C9: variants seen among roughly 807,000 people sequenced by gnomAD.
The protein encoded by C9 is complement component C9.
Under a neutral mutation model 65.4 loss-of-function variants are expected in C9, and 63 were observed. The ratio of observed to expected loss-of-function variants is 0.96; its 90% CI spans 0.79 to 1.19. C9 has a LOEUF of 1.19. C9 is among the 50% of genes most tolerant of loss of function. The pLI, the probability that C9 is intolerant of heterozygous loss-of-function variation, is 0.00. For synonymous variants in C9, 229 were observed against 227.9 expected (o/e 1.00, Z -0.04); for missense variants, 744 against 670.1 (o/e 1.11, Z -1.22).
chr5:39,324,896 G>T (rs1376243877), intron 5 of C9, among the ~76,000 whole-genome samples: 1 of 152,092 alleles, frequency 6.6e-6, no homozygotes, highest in African/African-American at 2.4e-5. Flanking sequence ...AGATCAAGGG[G>T]CTTGCATGTT....
At chr5:39,290,285 T>C (rs1230484021) in intron 9 of C9, among the ~76,000 whole-genome samples, 1 of 151,834 alleles carries the variant, frequency 6.6e-6, no homozygotes, top group Non-Finnish European at 1.5e-5. Flanking sequence ...TCATAACATA[T>C]ACAGGGAAAT....
chr5:39,333,068 T>A (rs1390192790), intron 4 of C9, among the ~76,000 whole-genome samples: 2 of 152,246 alleles, frequency 1.3e-5, no homozygotes, highest in Admixed American at 1.3e-4. Context: ...TGAAAAATGC[T>A]ATGGCCTTAA....
intron 5 of C9, among the ~76,000 whole-genome samples, chr5:39,323,108 A>G (rs1371992365): frequency 6.6e-6 from 1 of 152,078 alleles, no homozygotes; most frequent in Non-Finnish European, 1.5e-5. Context: ...ATCTATCAAG[A>G]CTGAATTATG....
chr5:39,316,176 TG>T, intron 5 of C9, 147 bp from the exon 6 acceptor site: 1 of 647,348 alleles, frequency 1.5e-6, no homozygotes, highest in South Asian at 1.9e-5. Flanking sequence ...GTCAGATTCC[TG>T]GGGTTCAAAT....
intron 1 of C9, among the ~76,000 whole-genome samples, chr5:39,358,596 C>CA: frequency 6.6e-6 from 1 of 152,020 alleles, no homozygotes; most frequent in East Asian, 1.9e-4. Flanking sequence ...GGGGAGTGGA[C>CA]AAAAATGGAG....
chr5:39,363,703 A>G (rs1001191214), intron 1 of C9, among the ~76,000 whole-genome samples: 1 of 152,208 alleles, frequency 6.6e-6, no homozygotes, highest in East Asian at 1.9e-4. Context: ...TTCTAGGTAC[A>G]GTGTAGCTGT....
At chr5:39,322,590 A>C (rs1753682003) in intron 5 of C9, among the ~76,000 whole-genome samples, 2 of 152,248 alleles carry the variant, frequency 1.3e-5, no homozygotes, top group South Asian at 4.1e-4. Flanking sequence ...ACAAACCTTT[A>C]GCTAGGCTAA....
intron 4 of C9, among the ~76,000 whole-genome samples, chr5:39,333,877 T>G (rs13354335): frequency 0.028 from 4,263 of 151,656 alleles, 186 homozygotes; most frequent in African/African-American, 0.096. Context: ...GCCTCCTGAG[T>G]TGCCGGGATT....
rs189204388 is a variant in C9 at position 39,297,673 on chromosome 5, C to G, written c.1417-8722G>C. Among the ~76,000 whole-genome samples the G allele has an allele frequency of 1.2e-3, 185 of 151,650 alleles. 2 individuals are homozygous for G. In the Middle Eastern group the frequency reaches 0.014, roughly 11 times the overall value. On this transcript the variant is annotated intron_variant, in intron 9 of 10. Coordinates refer to ENST00000263408, the MANE Select transcript of C9 (RefSeq NM_001737.5). ...TCAATATACAAAGAAGATATATAAT[C>G]TAAATGTGTATGCACCCAATGACAG...
rs138969286 is a variant in C9 at position 39,348,810 on chromosome 5, G to T, written c.78-6614C>A. On this transcript the variant is annotated intron_variant, in intron 1 of 10. Transcript: ENST00000263408. ...TGATAGACTGGATTAAGAATATATGGCACATATACACCATAGAATACTATG... is the reference window on the plus strand; with the variant it reads ...TGATAGACTGGATTAAGAATATATGTCACATATACACCATAGAATACTATG... Among the ~76,000 whole-genome samples, 752 of 152,198 alleles carry T rather than the reference G, an allele frequency of 4.9e-3. 5 individuals are homozygous for T. The highest frequency in any genetic ancestry group is 0.017 in the African/African-American group (705 of 41,502).
intron 9 of C9, among the ~76,000 whole-genome samples, chr5:39,293,098 C>T (rs1753125697): frequency 6.6e-6 from 1 of 151,468 alleles, no homozygotes; most frequent in Non-Finnish European, 1.5e-5. Context: ...CAGATTACTA[C>T]AGAAAGCCAT....
intron 10 of C9, among the ~76,000 whole-genome samples, chr5:39,285,893 T>C (rs1752983454): frequency 1.3e-5 from 2 of 151,892 alleles, no homozygotes. Context: ...TGTGTTACGG[T>C]TTTCAATCTC....
chr5:39,343,960 A>T (rs1754140436), intron 1 of C9, among the ~76,000 whole-genome samples: 1 of 151,818 alleles, frequency 6.6e-6, no homozygotes, highest in Non-Finnish European at 1.5e-5. Context: ...GCAGCTGAGG[A>T]TCATGACTGC....
At chr5:39,296,688 TAAATAATGTATTTTTTCTTTTTAAAGA>T (rs1254243026) in intron 9 of C9, among the ~76,000 whole-genome samples, 1 of 151,590 alleles carries the variant, frequency 6.6e-6, no homozygotes, top group Non-Finnish European at 1.5e-5. Context: ...CATGGATAAA[TAAATAATGTATTTTTTCTTTTTAAAGA>T]AAATAATGTA....
At chr5:39,360,414 A>C (rs1754494926) in intron 1 of C9, among the ~76,000 whole-genome samples, 1 of 152,168 alleles carries the variant, frequency 6.6e-6, no homozygotes, top group Non-Finnish European at 1.5e-5. Flanking sequence ...AGTCACTTTC[A>C]GGTCTTCTAA....
At position 39,341,305 on chromosome 5, in the gene C9, A is replaced by G. The variant is rs1307919612; in HGVS notation, c.329-12T>C. On this transcript the variant is annotated splice_polypyrimidine_tract_variant and intron_variant, in intron 3 of 10. Transcript: ENST00000263408. ...CTTTATGCATCTGCCTGCAATCAAA[A>G]TCAGGAGAGACTCAATGTATCTAAT... The G allele has an allele frequency of 6.2e-7, 1 of 1,613,830 alleles. No homozygotes were observed. The highest frequency in any genetic ancestry group is 1.7e-5 in the Admixed American group (1 of 60,022).
At chr5:39,325,470 G>A (rs955232159) in intron 5 of C9, among the ~76,000 whole-genome samples, 1 of 151,942 alleles carries the variant, frequency 6.6e-6, no homozygotes, top group South Asian at 2.1e-4. Context: ...GGTAATCTCA[G>A]GCACCCTCAA....
chr5:39,304,014 T>C (rs1178580402), intron 9 of C9, among the ~76,000 whole-genome samples: 1 of 152,198 alleles, frequency 6.6e-6, no homozygotes, highest in Non-Finnish European at 1.5e-5. Context: ...AATGTGTGAA[T>C]AGCTTACATA....
rs1326130606 is a variant in C9 at position 39,284,873 on chromosome 5, T to G, written c.*326A>C. ...CATACAAAGCCGTTTGAAAATTACT[T>G]TGAAGTTTTTTAAACCAACATTCTG... is the stretch of plus-strand genomic sequence containing the variant. On this transcript the variant is annotated 3_prime_UTR_variant, in exon 11 of 11. Coordinates refer to ENST00000263408, the MANE Select transcript of C9 (RefSeq NM_001737.5). The G allele has an allele frequency of 2.9e-6, 1 of 344,314 alleles. No homozygotes were observed. The highest frequency in any genetic ancestry group is 5.9e-5 in the East Asian group (1 of 16,852). The allele number at this position is 344,314 out of a possible 1,614,324, so 21.3% of individuals were successfully genotyped here. A position where few individuals can be genotyped will look rare whatever the true frequency, so the allele number is the denominator to read the frequency against.
Sources: gnomAD v4.1 joint callset for allele counts (sites outside exome capture counted in the v4.1 genomes callset) on GRCh38, gnomAD v4.1.1 for gene constraint, MANE v1.5 for transcripts, NCBI Gene and HGNC (gene_info 2026-07-23, HGNC 2026-07-21) for gene names.